Variants in CADPS2 observed in about 807,000 individuals in gnomAD.
The protein encoded by CADPS2 is calcium-dependent secretion activator 2.
Under a neutral mutation model 172.5 loss-of-function variants are expected in CADPS2, and 93 were observed. The ratio of observed to expected loss-of-function variants is 0.54; its 90% CI spans 0.46 to 0.64. The LOEUF is 0.64. Among genes scored for constraint, CADPS2 ranks in the 30% least tolerant of loss-of-function variants. CADPS2 has a pLI of 0.00. For synonymous variants in CADPS2, 546 were observed against 555.2 expected (o/e 0.98, Z 0.23); for missense variants, 1,420 against 1,565.9 (o/e 0.91, Z 1.57).
chr7:122,418,645 G>T (rs1053966065), intron 17 of CADPS2, among the ~76,000 whole-genome samples: 3 of 152,136 alleles, frequency 2.0e-5, no homozygotes, highest in African/African-American at 7.2e-5. Flanking sequence ...TAGAAAAGAA[G>T]GGAAAGATGC....
chr7:122,664,462 G>A (rs1357454478), intron 2 of CADPS2, among the ~76,000 whole-genome samples: 1 of 152,152 alleles, frequency 6.6e-6, no homozygotes, highest in Non-Finnish European at 1.5e-5. Context: ...AGAGTAAGAT[G>A]TTCATGAGAC....
chr7:122,361,573 T>C (rs145944105), intron 25 of CADPS2, among the ~76,000 whole-genome samples: 193 of 152,268 alleles, frequency 1.3e-3, no homozygotes, highest in Middle Eastern at 6.8e-3. Flanking sequence ...TAATGTGTCA[T>C]AGGAATCTAG....
intron 8 of CADPS2, among the ~76,000 whole-genome samples, chr7:122,547,548 C>A (rs2063753644): frequency 6.6e-6 from 1 of 152,116 alleles, no homozygotes; most frequent in Non-Finnish European, 1.5e-5. Context: ...TGTTTAGCTT[C>A]TACTAAATAC....
chr7:122,713,875 G>A (rs928891738), intron 2 of CADPS2, among the ~76,000 whole-genome samples: 19 of 151,902 alleles, frequency 1.3e-4, no homozygotes, highest in African/African-American at 4.6e-4. Flanking sequence ...GGTCTTTTTT[G>A]TTCCCTCACA....
At chr7:122,845,535 T>C (rs554172235) in intron 1 of CADPS2, among the ~76,000 whole-genome samples, 1 of 152,306 alleles carries the variant, frequency 6.6e-6, no homozygotes, top group Admixed American at 6.5e-5. Context: ...AAATGCCATA[T>C]GGCATCAGTC....
intron 17 of CADPS2, chr7:122,421,165 G>C (rs894745292): frequency 7.9e-5 from 12 of 152,168 alleles, no homozygotes; most frequent in Non-Finnish European, 1.3e-4. Context: ...GTAGTAATTT[G>C]TCATGCTTTG....
At chr7:122,630,799 C>T (rs1180834368) in intron 3 of CADPS2, among the ~76,000 whole-genome samples, 1 of 152,092 alleles carries the variant, frequency 6.6e-6, no homozygotes, top group East Asian at 1.9e-4. Flanking sequence ...CCTGAGATTA[C>T]CTGTCTAAAA....
intron 8 of CADPS2, among the ~76,000 whole-genome samples, chr7:122,550,904 A>G (rs1463283865): frequency 6.6e-6 from 1 of 152,200 alleles, no homozygotes; most frequent in Non-Finnish European, 1.5e-5. Context: ...GACATATTCC[A>G]AAAGAATAAA....
intron 1 of CADPS2, among the ~76,000 whole-genome samples, chr7:122,847,473 A>AC (rs1203778165): frequency 1.3e-5 from 2 of 152,076 alleles, no homozygotes; most frequent in African/African-American, 2.4e-5. Flanking sequence ...TGAGTCTTTT[A>AC]CTTTCTTCAA....
At chr7:122,879,612 T>C (rs1174032707) in intron 1 of CADPS2, among the ~76,000 whole-genome samples, 1 of 151,878 alleles carries the variant, frequency 6.6e-6, no homozygotes, top group Non-Finnish European at 1.5e-5. Flanking sequence ...CAAATACTCA[T>C]CCTCACAAGC....
At chr7:122,581,097 T>C in intron 7 of CADPS2, 82 bp downstream of exon 7, 5 of 925,862 alleles carry the variant, frequency 5.4e-6, no homozygotes, top group East Asian at 2.4e-5. Flanking sequence ...AGTTCACATA[T>C]GGCATACTGA....
chr7:122,416,243 G>A, intron 17 of CADPS2, 79 bp from the exon 18 acceptor site: 1 of 612,160 alleles, frequency 1.6e-6, no homozygotes, highest in South Asian at 3.3e-5. Flanking sequence ...GATGAGACTA[G>A]AATGTTGAAA....
chr7:122,693,631 GT>G (rs2136097052), intron 2 of CADPS2, among the ~76,000 whole-genome samples: 1 of 152,270 alleles, frequency 6.6e-6, no homozygotes, highest in African/African-American at 2.4e-5. Context: ...TGCAGCCAAG[GT>G]TTTGAAGTAC....
At chr7:122,553,399 C>T (rs777984368) in intron 8 of CADPS2, among the ~76,000 whole-genome samples, 4 of 152,114 alleles carry the variant, frequency 2.6e-5, no homozygotes, top group Non-Finnish European at 5.9e-5. Flanking sequence ...CATAGTTAGA[C>T]TTGACTTTAC....
intron 3 of CADPS2, among the ~76,000 whole-genome samples, chr7:122,640,375 C>T (rs1422836097): frequency 1.3e-5 from 2 of 151,926 alleles, no homozygotes; most frequent in African/African-American, 4.8e-5. Context: ...TTTCAATTTG[C>T]CAGTATGGTT....
intron 9 of CADPS2, among the ~76,000 whole-genome samples, chr7:122,491,736 A>G (rs1200518986): frequency 6.6e-6 from 1 of 152,188 alleles, no homozygotes; most frequent in African/African-American, 2.4e-5. Context: ...TAGCCTATTA[A>G]GAAGATAAAT....
rs78465230 is a variant in CADPS2, at chr7:122,786,664, C to T, written c.340-49596G>A. On this transcript the variant is annotated intron_variant, in intron 1 of 29. Coordinates refer to ENST00000449022, the MANE Select transcript of CADPS2 (RefSeq NM_017954.11). ...ATTTTTTTACTACTGTTACGAGTTT[C>T]GTGTTTAAGACAGGAATACAACTAC... Among the ~76,000 whole-genome samples the T allele has an allele frequency of 2.7e-3, 414 of 152,176 alleles. 2 individuals are homozygous for T. Among genetic ancestry groups the T allele is most frequent in the Middle Eastern group, 0.024 (7 of 290 alleles).
chr7:122,561,058 T>C (rs1342756511), intron 7 of CADPS2, among the ~76,000 whole-genome samples: 1 of 152,202 alleles, frequency 6.6e-6, no homozygotes, highest in African/African-American at 2.4e-5. Context: ...AAATTATTTC[T>C]TATTTGATTT....
At chr7:122,785,295 T>G (rs572130474) in intron 1 of CADPS2, among the ~76,000 whole-genome samples, 1 of 152,320 alleles carries the variant, frequency 6.6e-6, no homozygotes, top group Non-Finnish European at 1.5e-5. Context: ...GACAAAGAGA[T>G]TGTATGATTT....
Sources: allele counts gnomAD v4.1 joint callset (sites outside exome capture counted in the v4.1 genomes callset), GRCh38; gene constraint gnomAD v4.1.1; transcripts MANE v1.5; gene names NCBI Gene and HGNC (gene_info 2026-07-23, HGNC 2026-07-21).